The following GOLGA5 variants were observed in gnomAD, a reference collection of about 807,000 sequenced individuals.
GOLGA5 encodes golgin A5, also known as golgin subfamily A member 5.
A neutral mutation model predicts 93.5 loss-of-function variants in GOLGA5; 50 were observed. That is an observed-to-expected ratio of 0.53 (90% CI 0.43 to 0.68). The LOEUF (loss-of-function observed/expected upper bound fraction) is 0.68. GOLGA5 is among the 30% of genes least tolerant of loss of function. The pLI, the probability that GOLGA5 is intolerant of heterozygous loss-of-function variation, is 0.00. For missense variants in GOLGA5, 760 were observed against 856.4 expected, an observed-to-expected ratio of 0.89 and a Z score of 1.40; for synonymous variants, 312 against 304.5, an observed-to-expected ratio of 1.02 and a Z score of -0.26.
At chr14:92,798,579 A>G (rs1428609252) in intron 2 of GOLGA5, among the ~76,000 whole-genome samples, 4 of 152,236 alleles carry the variant, frequency 2.6e-5, no homozygotes, top group African/African-American at 4.8e-5. Context: ...AAATGAGATT[A>G]ACGTGGTAAA....
rs12432220 is a variant in GOLGA5, at chr14:92,829,370, T to C, written c.1720-3752T>C. On this transcript the variant is annotated intron_variant, in intron 9 of 12. Transcript: ENST00000163416. Reference sequence around the variant, plus strand: ...AGAACCTTCTGGAAAAGATTCACTATACTAGATGCCATTAAGAACATTTGT... The same window carrying C: ...AGAACCTTCTGGAAAAGATTCACTACACTAGATGCCATTAAGAACATTTGT... Among the ~76,000 whole-genome samples, 1,471 of 152,186 alleles carry C rather than the reference T, an allele frequency of 9.7e-3. 26 individuals are homozygous for C. Among genetic ancestry groups the C allele is most frequent in the African/African-American group, 0.033 (1,361 of 41,488 alleles).
intron 3 of GOLGA5, among the ~76,000 whole-genome samples, chr14:92,807,823 C>CAA (rs34577564): frequency 0.82 from 123,841 of 151,950 alleles, 51,136 homozygotes; most frequent in African/African-American, 0.94. Flanking sequence ...GAGAAGAAAA[C>CAA]GAGTGACAAA....
chr14:92,813,908 A>G (rs749355209), intron 6 of GOLGA5, among the ~76,000 whole-genome samples: 1 of 152,100 alleles, frequency 6.6e-6, no homozygotes, highest in East Asian at 1.9e-4. Flanking sequence ...GAGATAGAAT[A>G]TATGACATGT....
At chr14:92,816,522 G>GCTTCT (rs975104975) in intron 7 of GOLGA5, 101 bp downstream of exon 7, 9 of 720,296 alleles carry the variant, frequency 1.2e-5, no homozygotes, top group African/African-American at 2.6e-5. Flanking sequence ...TAGGTTTCTC[G>GCTTCT]CTTCTCTTCG....
chr14:92,804,723 T>G (rs1400126056), intron 2 of GOLGA5, among the ~76,000 whole-genome samples: 2 of 147,030 alleles, frequency 1.4e-5, no homozygotes, highest in African/African-American at 5.1e-5. Flanking sequence ...TGGTGCAGTC[T>G]CAGCTCATTG....
intron 8 of GOLGA5, 135 bp downstream of exon 8, chr14:92,819,971 C>A: frequency 1.3e-6 from 1 of 772,044 alleles, no homozygotes. Flanking sequence ...CCTGCCTTCC[C>A]ATCTCATCTG....
intron 2 of GOLGA5, among the ~76,000 whole-genome samples, 171 bp from the exon 3 acceptor site, chr14:92,806,565 G>A (rs139707898): frequency 1.3e-3 from 197 of 152,196 alleles, no homozygotes; most frequent in Non-Finnish European, 2.1e-3. Context: ...TCCCTGCCTC[G>A]GCCTCCCAAA....
intron 3 of GOLGA5, among the ~76,000 whole-genome samples, chr14:92,808,946 T>G (rs1294815030): frequency 6.6e-6 from 1 of 152,196 alleles, no homozygotes; most frequent in Non-Finnish European, 1.5e-5. Flanking sequence ...CTTACTAGGA[T>G]GTACCTTTGA....
chr14:92,831,224 C>T (rs1220029080), intron 9 of GOLGA5, among the ~76,000 whole-genome samples: 5 of 152,162 alleles, frequency 3.3e-5, no homozygotes, highest in African/African-American at 7.2e-5. Context: ...ATAAGGCTAA[C>T]GTACATCTAA....
rs374808246 is a variant in GOLGA5 at position 92,810,211 on chromosome 14, C to T, written c.993-43C>T. The T allele has an allele frequency of 2.6e-5, 38 of 1,482,978 alleles. No individual in the cohort carries two copies. The African/African-American group carries it at 5.1e-4, about 20-fold the overall frequency. 91.9% of individuals were successfully genotyped at this position (1,482,978 alleles called of 1,614,324 possible). A position where few individuals can be genotyped will look rare whatever the true frequency, so the allele number is the denominator to read the frequency against. ...AAATTATTCTGCCTTATCACTTGTA[C>T]ACTGTAGACATGAGTTATTTCACAT... On this transcript the variant is annotated intron_variant, in intron 4 of 12. Transcript: ENST00000163416.
intron 12 of GOLGA5, 110 bp from the exon 13 acceptor site, chr14:92,839,256 A>T (rs1415694755): frequency 8.6e-6 from 6 of 695,034 alleles, no homozygotes; most frequent in Non-Finnish European, 1.6e-5. Flanking sequence ...CATGTGTCCC[A>T]TAGGGGATAC....
intron 1 of GOLGA5, among the ~76,000 whole-genome samples, chr14:92,796,672 T>A (rs1197514627): frequency 6.6e-6 from 1 of 152,102 alleles, no homozygotes; most frequent in Non-Finnish European, 1.5e-5. Context: ...ATGCTTTTGC[T>A]ACATTAAGAT....
intron 7 of GOLGA5, among the ~76,000 whole-genome samples, chr14:92,819,390 C>T (rs1406021887): frequency 6.6e-6 from 1 of 151,964 alleles, no homozygotes; most frequent in Non-Finnish European, 1.5e-5. Context: ...ACCTGTAATC[C>T]CAGTGCTGTG....
intron 2 of GOLGA5, among the ~76,000 whole-genome samples, chr14:92,803,829 T>TA (rs1884925849): frequency 6.6e-6 from 1 of 152,242 alleles, no homozygotes; most frequent in African/African-American, 2.4e-5. Flanking sequence ...GGCACTGCAC[T>TA]AAATGCCTGC....
chr14:92,824,633 C>T lies in GOLGA5; in HGVS notation c.1708C>T (p.Leu570Phe). Residue 570 changes from leucine (L) to phenylalanine (F), a missense_variant, in exon 9 of 13, where the codon CTC (leucine) becomes TTC (phenylalanine). Physicochemically the swap from Leu to Phe is conservative, Grantham distance 22. Coordinates refer to ENST00000163416, the MANE Select transcript of GOLGA5 (RefSeq NM_005113.4). Reference sequence around the variant, plus strand: ...AGATCGAGACGAAGAAATTCAAAAACTCAGGAATCAGGTATGAATCACTAT... The same window carrying T: ...AGATCGAGACGAAGAAATTCAAAAATTCAGGAATCAGGTATGAATCACTAT... ...IKDRDEEIQKLRNQLTNKTLS... is the reference protein window; with the variant it reads ...IKDRDEEIQKFRNQLTNKTLS... The T allele has an allele frequency of 6.4e-7, 1 of 1,566,586 alleles. No homozygotes were observed.
rs753434405 is a variant in GOLGA5 at position 92,819,745 on chromosome 14, C to T, written c.1529C>T (p.Ala510Val). 2.9e-5 allele frequency: 46 copies of T among 1,613,352 alleles called. No individual in the cohort carries two copies. The Admixed American group carries it at 7.2e-4, about 25-fold the overall frequency. ...CAGCAAGTTAATGAAGCAGAATCAG[C>T]AAGAGAACAGTTACAGGATCTGCAT... ...EAQQVNEAESAREQLQDLHDQ... is the reference protein window; with the variant it reads ...EAQQVNEAESVREQLQDLHDQ... Residue 510 changes from alanine to valine, a missense_variant, in exon 8 of 13, where the codon GCA becomes GTA. Transcript: ENST00000163416.
intron 2 of GOLGA5, among the ~76,000 whole-genome samples, chr14:92,806,292 G>A (rs1433311815): frequency 6.6e-6 from 1 of 152,108 alleles, no homozygotes; most frequent in African/African-American, 2.4e-5. Context: ...TCAGAGGGAA[G>A]ACTATTGAAA....
chr14:92,814,328 G>A (rs992049706), intron 6 of GOLGA5, among the ~76,000 whole-genome samples: 2 of 152,144 alleles, frequency 1.3e-5, no homozygotes, highest in Admixed American at 1.3e-4. Context: ...GCCATCCAAT[G>A]AAGCCAAGCA....
intron 9 of GOLGA5, among the ~76,000 whole-genome samples, chr14:92,827,042 T>C (rs10148471): frequency 0.81 from 122,759 of 152,138 alleles, 50,061 homozygotes; most frequent in African/African-American, 0.91. Flanking sequence ...AATATTTACT[T>C]TCTCTCTCTG....
Sources: gnomAD v4.1 joint callset for allele counts (sites outside exome capture counted in the v4.1 genomes callset) on GRCh38, gnomAD v4.1.1 for gene constraint, MANE v1.5 for transcripts, NCBI Gene and HGNC (gene_info 2026-07-23, HGNC 2026-07-21) for gene names.